LHX8: variants seen among roughly 807,000 people sequenced by gnomAD.
LHX8 encodes the protein LIM/homeobox protein Lhx8.
LHX8 carries 12 observed loss-of-function variants against 40.3 expected under a neutral mutation model. That is an observed-to-expected ratio of 0.30 (90% CI 0.19 to 0.48). The LOEUF (loss-of-function observed/expected upper bound fraction) is 0.48. Among genes scored for constraint, LHX8 ranks in the 20% least tolerant of loss-of-function variants. The probability of loss-of-function intolerance (pLI) is 0.99; values close to 1 mark genes in which losing one functional copy is unlikely to be tolerated. For synonymous variants in LHX8, 179 were observed against 162.0 expected (o/e 1.10, Z -0.80); for missense variants, 344 against 433.7 (o/e 0.79, Z 1.84).
chr1:75,184,985 A>G, the LHX8 span, among the ~76,000 whole-genome samples: 1 of 152,250 alleles, frequency 6.6e-6, no homozygotes, highest in South Asian at 2.1e-4. Flanking sequence ...CCTCTATGCA[A>G]ACAAACTAGA....
In LHX8 at chr1:75,156,971, G is replaced by A. The variant is rs1381958995; in HGVS notation, c.859G>A (p.Val287Ile). 57 of 1,614,028 alleles carry A rather than the reference G, an allele frequency of 3.5e-5. No individual in the cohort carries two copies. Among genetic ancestry groups the A allele is most frequent in the Non-Finnish European group, 4.7e-5 (56 of 1,180,016 alleles). Reference sequence around the variant, plus strand: ...CTCATCCTCCACCCCAGTCACAGCAGTCCCACCCTCCAGGCTGTCTCCACC... The same window carrying A: ...CTCATCCTCCACCCCAGTCACAGCAATCCCACCCTCCAGGCTGTCTCCACC... Reference protein sequence around the residue: ...NHSSSTPVTAVPPSRLSPPML... With the variant: ...NHSSSTPVTAIPPSRLSPPML... The change falls in exon 8 of 9, where the codon GTC becomes ATC. Residue 287 changes from valine to isoleucine, a missense_variant. Coordinates refer to ENST00000356261, the MANE Select transcript of LHX8 (RefSeq NM_001256114.2).
the LHX8 span, among the ~76,000 whole-genome samples, chr1:75,171,056 A>C: frequency 6.6e-6 from 1 of 152,144 alleles, no homozygotes; most frequent in East Asian, 1.9e-4. Context: ...CATATGATAC[A>C]GTGAAAGTTG....
upstream of LHX8, chr1:75,130,505 C>A (rs1415783620): frequency 3.2e-6 from 2 of 617,512 alleles, no homozygotes; most frequent in African/African-American, 1.8e-5. Flanking sequence ...GCTGGGAAGC[C>A]CATCAAACCT....
upstream of LHX8, chr1:75,131,730 C>T (rs1048382806): frequency 7.9e-5 from 12 of 152,290 alleles, no homozygotes; most frequent in African/African-American, 2.9e-4. Context: ...CTGCCCCCAT[C>T]TGTTTTTAGG....
the LHX8 span, among the ~76,000 whole-genome samples, chr1:75,195,756 C>T: frequency 3.5e-3 from 532 of 152,050 alleles, 2 homozygotes; most frequent in Middle Eastern, 0.014. Context: ...TCTCCCCTCT[C>T]TCCCTCTTTC....
At chr1:75,154,784 T>G (rs1369852592) in intron 7 of LHX8, among the ~76,000 whole-genome samples, 1 of 152,208 alleles carries the variant, frequency 6.6e-6, no homozygotes, top group African/African-American at 2.4e-5. Flanking sequence ...TTCCCACTTG[T>G]CTTACTGGTG....
At chr1:75,128,915 C>T (rs1016140941) in intron 1 of LHX8, among the ~76,000 whole-genome samples, 5 of 152,160 alleles carry the variant, frequency 3.3e-5, no homozygotes, top group African/African-American at 1.2e-4. Flanking sequence ...TGCGTCTAAC[C>T]TCATGACCCT....
chr1:75,166,198 T>G (rs138974438), downstream of LHX8, among the ~76,000 whole-genome samples: 1 of 152,270 alleles, frequency 6.6e-6, no homozygotes, highest in Non-Finnish European at 1.5e-5. Context: ...AAGTCAGAGG[T>G]GGAGCATCTA....
intron 1 of LHX8, among the ~76,000 whole-genome samples, chr1:75,129,240 A>G (rs978521843): frequency 6.6e-6 from 1 of 152,148 alleles, no homozygotes; most frequent in East Asian, 1.9e-4. Context: ...TTACTATAAT[A>G]ACACGTTGCC....
chr1:75,132,836 A>G (rs147716306), upstream of LHX8: 5 of 152,136 alleles, frequency 3.3e-5, no homozygotes, highest in East Asian at 5.8e-4. Flanking sequence ...TCCACTTTCA[A>G]CGAAATCCTG....
At chr1:75,190,791 T>C in the LHX8 span, among the ~76,000 whole-genome samples, 1 of 152,310 alleles carries the variant, frequency 6.6e-6, no homozygotes, top group East Asian at 1.9e-4. Flanking sequence ...TGTTTAAAAA[T>C]GTCTTCATAA....
At chr1:75,130,747 A>C, upstream of LHX8, 1 of 1,613,422 alleles carries the variant, frequency 6.2e-7, no homozygotes. Context: ...GTTTGTGGAA[A>C]GAACCTCTAG....
chr1:75,132,603 T>C (rs1043213603), upstream of LHX8: 1 of 152,214 alleles, frequency 6.6e-6, no homozygotes, highest in African/African-American at 2.4e-5. Flanking sequence ...GCCGCCTGAT[T>C]AGGCGAGGGT....
the LHX8 span, among the ~76,000 whole-genome samples, chr1:75,196,522 T>C: frequency 6.6e-6 from 1 of 152,120 alleles, no homozygotes; most frequent in Non-Finnish European, 1.5e-5. Context: ...GAATCTTCCC[T>C]TTGAGGATTG....
intron 1 of LHX8, 42 bp downstream of exon 1, chr1:75,134,996 G>A (rs915055944): frequency 2.1e-6 from 2 of 939,184 alleles, no homozygotes; most frequent in South Asian, 4.9e-5. Flanking sequence ...TGATCGTGGC[G>A]GTCCGGGAGA....
At chr1:75,192,778 C>T in the LHX8 span, among the ~76,000 whole-genome samples, 3 of 151,492 alleles carry the variant, frequency 2.0e-5, no homozygotes, top group African/African-American at 4.9e-5. Flanking sequence ...CTGCAGCCTC[C>T]GTCTCCTGGG....
At chr1:75,172,980 T>C in the LHX8 span, among the ~76,000 whole-genome samples, 1 of 152,258 alleles carries the variant, frequency 6.6e-6, no homozygotes, top group African/African-American at 2.4e-5. Flanking sequence ...AACCCTAATG[T>C]CAAACTCTGA....
At chr1:75,148,433 C>T (rs1037037853) in intron 6 of LHX8, among the ~76,000 whole-genome samples, 154 bp from the exon 7 acceptor site, 15 of 152,088 alleles carry the variant, frequency 9.9e-5, no homozygotes, top group African/African-American at 3.1e-4. Context: ...AATATGCATT[C>T]GTTTTCACTT....
At chr1:75,153,155 G>A (rs1648654991) in intron 7 of LHX8, among the ~76,000 whole-genome samples, 1 of 151,922 alleles carries the variant, frequency 6.6e-6, no homozygotes, top group East Asian at 1.9e-4. Flanking sequence ...ACCCAGGCTG[G>A]AGTGCAGTGG....
Sources: gnomAD v4.1 joint callset for allele counts (sites outside exome capture counted in the v4.1 genomes callset) on GRCh38, gnomAD v4.1.1 for gene constraint, MANE v1.5 for transcripts, NCBI Gene and HGNC (gene_info 2026-07-23, HGNC 2026-07-21) for gene names.